The following EIF2B3 variants were observed in gnomAD, a reference collection of about 807,000 sequenced individuals.
EIF2B3 encodes the protein eukaryotic translation initiation factor 2B subunit gamma, also known as translation initiation factor eIF2B subunit gamma.
A neutral mutation model predicts 54.1 loss-of-function variants in EIF2B3; 20 were observed. That is an observed-to-expected ratio of 0.37 (90% CI 0.26 to 0.54). The LOEUF (loss-of-function observed/expected upper bound fraction) is 0.54. Ranked by LOEUF, EIF2B3 falls within the 20% of genes least tolerant of loss-of-function variation. The pLI is 0.86. For missense variants in EIF2B3, 448 were observed against 547.8 expected, an observed-to-expected ratio of 0.82 and a Z score of 1.82; for synonymous variants, 153 against 188.1, an observed-to-expected ratio of 0.81 and a Z score of 1.52.
chr1:44,929,625 GT>G (rs1193455387), intron 4 of EIF2B3, among the ~76,000 whole-genome samples: 1 of 152,162 alleles, frequency 6.6e-6, no homozygotes, highest in Non-Finnish European at 1.5e-5. Context: ...ACTTGAGAAT[GT>G]AACAAAGTCT....
intron 11 of EIF2B3, among the ~76,000 whole-genome samples, 173 bp downstream of exon 11, chr1:44,857,531 A>C (rs1339342245): frequency 6.6e-6 from 1 of 152,098 alleles, no homozygotes; most frequent in Non-Finnish European, 1.5e-5. Context: ...AACTCCGAAA[A>C]AAAAAAAAAA....
rs869139321 is a variant in EIF2B3 at position 44,917,755 on chromosome 1, C to CTTTTTT, written c.566+8867_566+8872dup. Among the ~76,000 whole-genome samples the CTTTTTT allele has an allele frequency of 1.8e-4, 8 of 44,240 alleles. 3 individuals are homozygous for CTTTTTT. Among genetic ancestry groups the CTTTTTT allele is most frequent in the African/African-American group, 4.7e-4 (7 of 14,956 alleles). The allele number at this position is 44,240 out of a possible 152,430, so 29.0% of individuals were successfully genotyped here. On this transcript the variant is annotated intron_variant, in intron 5 of 11. Transcript: ENST00000360403. ...TATTTATTTTGCCACCAATAACACT[C>CTTTTTT]TTTTTTTTTTTTTTTTTTTTTTTTT...
chr1:44,946,627 CTTT>C (rs35199520), intron 3 of EIF2B3, among the ~76,000 whole-genome samples: 3 of 131,862 alleles, frequency 2.3e-5, no homozygotes, highest in African/African-American at 2.8e-5. Context: ...TCTTCTTCTT[CTTT>C]TTTTTTTTTT....
chr1:44,985,024 T>A (rs1207061211), intron 1 of EIF2B3, among the ~76,000 whole-genome samples: 1 of 151,374 alleles, frequency 6.6e-6, no homozygotes, highest in African/African-American at 2.4e-5. Flanking sequence ...GCCAGGATGG[T>A]CTCGATCTCC....
At chr1:44,882,531 C>T (rs940290980) in intron 6 of EIF2B3, among the ~76,000 whole-genome samples, 8 of 151,986 alleles carry the variant, frequency 5.3e-5, no homozygotes, top group African/African-American at 1.9e-4. Context: ...CAACCTTTGC[C>T]TCCCAGGTTC....
intron 8 of EIF2B3, among the ~76,000 whole-genome samples, chr1:44,878,196 T>C (rs942494276): frequency 3.0e-4 from 45 of 152,214 alleles, no homozygotes; most frequent in African/African-American, 1.1e-3. Flanking sequence ...GAGGCTCACC[T>C]GAGGTTTTAT....
intron 5 of EIF2B3, among the ~76,000 whole-genome samples, chr1:44,905,818 T>C (rs1191355735): frequency 6.6e-6 from 1 of 152,170 alleles, no homozygotes; most frequent in East Asian, 1.9e-4. Context: ...ACTAGCAAAA[T>C]TGATACATAA....
chr1:44,872,135 C>T (rs1043214199), intron 10 of EIF2B3, among the ~76,000 whole-genome samples: 11 of 152,242 alleles, frequency 7.2e-5, no homozygotes, highest in Admixed American at 2.0e-4. Flanking sequence ...CAGACTCAGT[C>T]GGTCCTCCCA....
At chr1:44,944,146 A>G (rs1257753481) in intron 3 of EIF2B3, among the ~76,000 whole-genome samples, 1 of 152,116 alleles carries the variant, frequency 6.6e-6, no homozygotes, top group Non-Finnish European at 1.5e-5. Flanking sequence ...TCTATCTCCA[A>G]AGAAAGAAAA....
intron 6 of EIF2B3, among the ~76,000 whole-genome samples, chr1:44,889,897 A>C (rs1483031089): frequency 1.3e-5 from 2 of 152,214 alleles, no homozygotes; most frequent in African/African-American, 4.8e-5. Flanking sequence ...AACAGAGGAG[A>C]TGTCACAGAC....
intron 8 of EIF2B3, among the ~76,000 whole-genome samples, chr1:44,878,953 A>AT (rs912163789): frequency 1.5e-4 from 22 of 150,708 alleles, no homozygotes; most frequent in African/African-American, 5.1e-4. Flanking sequence ...TAGAGACAGG[A>AT]TTTTGCCATG....
rs373792269 is a variant in EIF2B3, at chr1:44,889,276, C to T, written c.657-7537G>A. Among the ~76,000 whole-genome samples, 28 of 152,324 alleles carry T rather than the reference C, an allele frequency of 1.8e-4. 1 individual carries two copies. In the South Asian group the frequency reaches 5.6e-3, roughly 30 times the overall value. On this transcript the variant is annotated intron_variant, in intron 6 of 11. Transcript: ENST00000360403. ...TATGGCTAGGAGTGGTGGCTCACGC[C>T]TGTAATCCCAGCACTGTGGGAGGCT...
intron 5 of EIF2B3, among the ~76,000 whole-genome samples, chr1:44,904,079 A>G (rs1643368019): frequency 6.6e-6 from 1 of 152,188 alleles, no homozygotes; most frequent in Non-Finnish European, 1.5e-5. Context: ...CCATCTCAAA[A>G]AAACAAAACA....
chr1:44,895,089 C>T (rs903861751), intron 6 of EIF2B3, among the ~76,000 whole-genome samples: 4 of 152,082 alleles, frequency 2.6e-5, no homozygotes, highest in Admixed American at 1.3e-4. Flanking sequence ...TTGATTGTAG[C>T]GACTCTGAGA....
At chr1:44,958,300 C>T (rs1288177469) in intron 3 of EIF2B3, among the ~76,000 whole-genome samples, 1 of 152,136 alleles carries the variant, frequency 6.6e-6, no homozygotes, top group Non-Finnish European at 1.5e-5. Context: ...GATCAAGATA[C>T]GCTGCCTTAA....
intron 5 of EIF2B3, among the ~76,000 whole-genome samples, chr1:44,922,838 T>TC: frequency 8.9e-6 from 1 of 111,874 alleles, no homozygotes; most frequent in Non-Finnish European, 1.9e-5. Flanking sequence ...TTTTTCAGAT[T>TC]TTTTTTTTTT....
chr1:44,850,752 T>C lies in EIF2B3; in HGVS notation c.*199A>G. 1.6e-6 allele frequency: 1 copy of C among 618,964 alleles called. No individual in the cohort carries two copies. The highest frequency in any genetic ancestry group is 2.9e-6 in the Non-Finnish European group (1 of 349,864). 38.3% of individuals were successfully genotyped at this position (618,964 alleles called of 1,614,324 possible). A position where few individuals can be genotyped will look rare whatever the true frequency, so the allele number is the denominator to read the frequency against. ...TGTCCCACACACTTGCTCCAGATGATCTTTACCACATGACACATGAACATA... is the reference window on the plus strand; with the variant it reads ...TGTCCCACACACTTGCTCCAGATGACCTTTACCACATGACACATGAACATA... On this transcript the variant is annotated 3_prime_UTR_variant, in exon 12 of 12. Coordinates refer to ENST00000360403, the MANE Select transcript of EIF2B3 (RefSeq NM_020365.5).
rs1437825956 is a variant in EIF2B3 at position 44,897,235 on chromosome 1, CTG to C, written c.656+118_656+119del. On this transcript the variant is annotated intron_variant, in intron 6 of 11. Coordinates refer to ENST00000360403, the MANE Select transcript of EIF2B3 (RefSeq NM_020365.5). ...TTTCTAAAACAAAAATGAGAACTAA[CTG>C]TGCTATTGTGCTAATTTTAGAAACT... The C allele has an allele frequency of 4.1e-6, 3 of 723,394 alleles. No homozygotes were observed. In the African/African-American group the frequency reaches 5.3e-5, roughly 13 times the overall value. 44.8% of individuals were successfully genotyped at this position (723,394 alleles called of 1,614,324 possible).
At chr1:44,857,859 T>A in intron 10 of EIF2B3, 52 bp from the exon 11 acceptor site, 4 of 1,557,482 alleles carry the variant, frequency 2.6e-6, no homozygotes, top group Non-Finnish European at 3.5e-6. Flanking sequence ...ATCACCATCC[T>A]CATTACTATT....
Sources: allele counts gnomAD v4.1 joint callset (sites outside exome capture counted in the v4.1 genomes callset), GRCh38; gene constraint gnomAD v4.1.1; transcripts MANE v1.5; gene names NCBI Gene and HGNC (gene_info 2026-07-23, HGNC 2026-07-21).